Variants in RNF214 observed in about 807,000 individuals in gnomAD.
RNF214 encodes the protein ring finger protein 214.
In RNF214, 25 loss-of-function variants were observed where a neutral mutation model predicts 75.9. The observed-to-expected ratio is 0.33, with a 90% CI of 0.24 to 0.46. RNF214 has a LOEUF of 0.46. RNF214 is among the 20% of genes least tolerant of loss of function. RNF214 has a pLI of 1.00. For synonymous variants in RNF214, 314 were observed against 308.8 expected, an observed-to-expected ratio of 1.02 and a Z score of -0.18; for missense variants, 725 against 857.5, an observed-to-expected ratio of 0.85 and a Z score of 1.93.
rs760841131 is a variant in RNF214, at chr11:117,239,130, A to T, written c.618+19A>T. 1 of 1,575,310 alleles carries T rather than the reference A, an allele frequency of 6.3e-7. No individual in the cohort carries two copies. Among genetic ancestry groups the T allele is most frequent in the Non-Finnish European group, 8.6e-7 (1 of 1,159,198 alleles). ...TGTACAGGTCAAGTGTCAAGTTTCT[A>T]CTACTAAAATGTAATTGGGGGGTGG... On this transcript the variant is annotated intron_variant, in intron 3 of 14. Transcript: ENST00000300650.
chr11:117,286,191 C>T lies in RNF214; in HGVS notation c.*1040C>T, dbSNP rs2034256112. The T allele has an allele frequency of 6.6e-6, 1 of 152,530 alleles. No homozygotes were observed. The highest frequency in any genetic ancestry group is 2.4e-5 in the African/African-American group (1 of 41,414). 9.4% of individuals were successfully genotyped at this position (152,530 alleles called of 1,614,324 possible). The stretch of plus-strand genomic sequence containing the variant: ...AAGAAAGTTAGGGGGGGACATATTT[C>T]CTGTCCTGGGAAAAATGGAGACCAA... On this transcript the variant is annotated 3_prime_UTR_variant, in exon 15 of 15. Transcript: ENST00000300650.
chr11:117,236,195 A>C lies in RNF214; in HGVS notation c.107+1816A>C, dbSNP rs1020114375. On this transcript the variant is annotated intron_variant, in intron 2 of 14. Transcript: ENST00000300650. ...AGACTGGTCTTGAACTCCTGACCTC[A>C]AGTGATCTGTCCGTCTTGGCCTCCC... Among the ~76,000 whole-genome samples, 8 of 151,922 alleles carry C rather than the reference A, an allele frequency of 5.3e-5. No individual in the cohort carries two copies. The East Asian group carries it at 1.5e-3, about 29-fold the overall frequency.
intron 6 of RNF214, among the ~76,000 whole-genome samples, chr11:117,275,922 A>G (rs1367270748): frequency 3.9e-5 from 6 of 152,196 alleles, no homozygotes; most frequent in Non-Finnish European, 8.8e-5. Context: ...AAGCCAGGAA[A>G]GGACACAACA....
At chr11:117,237,990 A>C (rs914381400) in intron 2 of RNF214, among the ~76,000 whole-genome samples, 1 of 152,230 alleles carries the variant, frequency 6.6e-6, no homozygotes, top group Non-Finnish European at 1.5e-5. Context: ...AACTAAATTA[A>C]TACATGTAAC....
rs2034229511 is a variant in RNF214 at position 117,285,238 on chromosome 11, G to GT, written c.*88dup. The GT allele has an allele frequency of 5.7e-6, 5 of 876,332 alleles. No individual in the cohort carries two copies. The Admixed American group carries it at 8.9e-5, about 16-fold the overall frequency. 54.3% of individuals were successfully genotyped at this position (876,332 alleles called of 1,614,324 possible). A position where few individuals can be genotyped will look rare whatever the true frequency, so the allele number is the denominator to read the frequency against. On this transcript the variant is annotated 3_prime_UTR_variant, in exon 15 of 15. Transcript: ENST00000300650. ...ATTTCTAAAACTCTATATTTATACA[G>GT]TGACATATACTCATGCCATGTACAT...
chr11:117,277,292 G>A (rs975688757), intron 6 of RNF214, among the ~76,000 whole-genome samples: 6 of 152,030 alleles, frequency 3.9e-5, no homozygotes, highest in African/African-American at 1.5e-4. Context: ...GCAGTGAGCC[G>A]AGATCCCGCC....
At chr11:117,234,178 TC>T in intron 1 of RNF214, 88 bp from the exon 2 acceptor site, 1 of 928,566 alleles carries the variant, frequency 1.1e-6, no homozygotes, top group Non-Finnish European at 1.7e-6. Context: ...CTGCGACAGC[TC>T]TGTTGTGTGG....
chr11:117,266,125 T>C (rs773257131), intron 6 of RNF214, among the ~76,000 whole-genome samples: 59 of 152,254 alleles, frequency 3.9e-4, no homozygotes, highest in Non-Finnish European at 6.2e-4. Context: ...ATTATAATTA[T>C]GGCTCCTGTT....
At chr11:117,257,958 A>G (rs1591828384) in intron 6 of RNF214, among the ~76,000 whole-genome samples, 1 of 152,230 alleles carries the variant, frequency 6.6e-6, no homozygotes, top group African/African-American at 2.4e-5. Flanking sequence ...ACATTGAGAG[A>G]AGCTGAAAGT....
chr11:117,269,994 G>A (rs2033875329), intron 6 of RNF214, among the ~76,000 whole-genome samples: 1 of 152,116 alleles, frequency 6.6e-6, no homozygotes, highest in African/African-American at 2.4e-5. Flanking sequence ...ATGACTTCCA[G>A]TCTCTTCTCT....
Position 117,277,489 on chromosome 11 carries a change from A to AAC in RNF214, c.960-2402_960-2401dup, listed in dbSNP as rs530802314. ...GATGTCAGAGATTGAATAAGTGTGT[A>AAC]ACACACACACACACACACCCTCTCT... On this transcript the variant is annotated intron_variant, in intron 6 of 14. Coordinates refer to ENST00000300650, the MANE Select transcript of RNF214 (RefSeq NM_207343.4). Among the ~76,000 whole-genome samples the AAC allele has an allele frequency of 1.7e-3, 255 of 151,166 alleles. 1 individual carries two copies. The highest frequency in any genetic ancestry group is 0.014 in the East Asian group (73 of 5,164).
chr11:117,261,160 A>T (rs1049946873), intron 6 of RNF214, among the ~76,000 whole-genome samples: 1 of 152,202 alleles, frequency 6.6e-6, no homozygotes, highest in Non-Finnish European at 1.5e-5. Context: ...ATTAAGTTTG[A>T]TGCTGACTAT....
chr11:117,256,677 C>G (rs568688390), intron 6 of RNF214, among the ~76,000 whole-genome samples: 1 of 152,268 alleles, frequency 6.6e-6, no homozygotes, highest in South Asian at 2.1e-4. Context: ...AGCTGCCAGG[C>G]TCTCTTAAGG....
chr11:117,251,727 C>T (rs1239153769), intron 6 of RNF214, among the ~76,000 whole-genome samples: 4 of 152,060 alleles, frequency 2.6e-5, no homozygotes, highest in East Asian at 1.9e-4. Context: ...GCAAGCAAGA[C>T]GTGAAGTGGG....
rs1421859465 is a variant in RNF214, at chr11:117,232,729, G to T, written c.-7+3G>T. 1 of 151,034 alleles carries T rather than the reference G, an allele frequency of 6.6e-6. No individual in the cohort carries two copies. Among genetic ancestry groups the T allele is most frequent in the Non-Finnish European group, 1.5e-5 (1 of 67,474 alleles). 9.4% of individuals were successfully genotyped at this position (151,034 alleles called of 1,614,324 possible). ...CTCCCCCCGCTCCGCCCGCTCAGGTGCGTCCCGTCCCTCCCCCACTTTCCT... is the reference window on the plus strand; with the variant it reads ...CTCCCCCCGCTCCGCCCGCTCAGGTTCGTCCCGTCCCTCCCCCACTTTCCT... On this transcript the variant is annotated splice_donor_region_variant and intron_variant, in intron 1 of 14. Transcript: ENST00000300650.
intron 6 of RNF214, among the ~76,000 whole-genome samples, chr11:117,253,655 A>G (rs991208676): frequency 9.2e-5 from 14 of 152,106 alleles, no homozygotes; most frequent in African/African-American, 3.4e-4. Flanking sequence ...CAGCCTGGGC[A>G]ATATAGTGAG....
intron 4 of RNF214, among the ~76,000 whole-genome samples, chr11:117,243,425 C>T (rs921976836): frequency 1.3e-4 from 20 of 152,064 alleles, no homozygotes; most frequent in Admixed American, 4.6e-4. Context: ...GGATTACAGG[C>T]GTGAGCCACT....
At chr11:117,239,146 TG>T (rs569872189) in intron 3 of RNF214, 35 bp downstream of exon 3, 27 of 1,438,328 alleles carry the variant, frequency 1.9e-5, no homozygotes, top group Non-Finnish European at 2.4e-5. Flanking sequence ...AAAATGTAAT[TG>T]GGGGGTGGTG....
intron 6 of RNF214, among the ~76,000 whole-genome samples, chr11:117,253,706 A>G (rs1466517423): frequency 6.6e-6 from 1 of 151,458 alleles, no homozygotes; most frequent in Admixed American, 6.6e-5. Flanking sequence ...ATAAACGACA[A>G]CAACAACAAG....
Sources: gnomAD v4.1 joint callset for allele counts (sites outside exome capture counted in the v4.1 genomes callset) on GRCh38, gnomAD v4.1.1 for gene constraint, MANE v1.5 for transcripts, NCBI Gene and HGNC (gene_info 2026-07-23, HGNC 2026-07-21) for gene names.